The following PDE2A variants were observed in gnomAD, a reference collection of about 807,000 sequenced individuals.
PDE2A encodes the protein phosphodiesterase 2A.
Under a neutral mutation model 133.6 loss-of-function variants are expected in PDE2A, and 53 were observed. That is an observed-to-expected ratio of 0.40 (90% CI 0.32 to 0.50). PDE2A has a LOEUF of 0.50. Among genes scored for constraint, PDE2A ranks in the 20% least tolerant of loss-of-function variants. PDE2A has a pLI of 0.73. For synonymous variants in PDE2A, 491 were observed against 490.2 expected (o/e 1.00, Z -0.02); for missense variants, 796 against 1,232.4 (o/e 0.65, Z 5.30).
At chr11:72,647,756 C>G (rs761333009) in intron 1 of PDE2A, among the ~76,000 whole-genome samples, 38 of 152,204 alleles carry the variant, frequency 2.5e-4, no homozygotes, top group Non-Finnish European at 4.4e-4. Flanking sequence ...GGTGAGCCAC[C>G]CTTAGGCTGC....
intron 4 of PDE2A, chr11:72,599,026 C>T (rs1033561613): frequency 4.3e-5 from 42 of 985,266 alleles, no homozygotes; most frequent in African/African-American, 2.8e-4. Context: ...TGAGGCTTCA[C>T]GGAGGCAGGG....
chr11:72,585,114 G>GT lies in PDE2A; in HGVS notation c.1287-171dup, dbSNP rs5792596. 1.8e-3 allele frequency: 1,049 copies of GT among 593,562 alleles called. 2 individuals carry two copies. The highest frequency in any genetic ancestry group is 0.015 in the African/African-American group (750 of 51,422). The allele number at this position is 593,562 out of a possible 1,614,324, so 36.8% of individuals were successfully genotyped here. On this transcript the variant is annotated intron_variant, in intron 16 of 30. Transcript: ENST00000334456. The stretch of plus-strand genomic sequence containing the variant: ...AGAAACGTGTCCATTCAAGTGTTTT[G>GT]TTTTTTTTTTTTTTTGGAAGCACCT...
intron 2 of PDE2A, among the ~76,000 whole-genome samples, chr11:72,628,315 C>T (rs1023875857): frequency 2.0e-5 from 3 of 151,620 alleles, no homozygotes; most frequent in Non-Finnish European, 4.4e-5. Flanking sequence ...GTGATTACAT[C>T]CAAGAATGAT....
intron 2 of PDE2A, among the ~76,000 whole-genome samples, chr11:72,630,806 G>T (rs1165661986): frequency 6.6e-6 from 1 of 152,008 alleles, no homozygotes; most frequent in African/African-American, 2.4e-5. Flanking sequence ...GGGAATTGTT[G>T]GGTGAGGGTG....
intron 1 of PDE2A, among the ~76,000 whole-genome samples, chr11:72,663,348 C>T (rs763587896): frequency 1.2e-4 from 19 of 152,268 alleles, no homozygotes; most frequent in Non-Finnish European, 2.4e-4. Flanking sequence ...ATACAGAGCG[C>T]GGTGATCACG....
intron 1 of PDE2A, among the ~76,000 whole-genome samples, chr11:72,657,599 G>C (rs1324723204): frequency 6.6e-6 from 1 of 152,184 alleles, no homozygotes; most frequent in African/African-American, 2.4e-5. Context: ...AGTGCCATGT[G>C]GTTGTCATAG....
At chr11:72,639,524 C>T (rs1858861092) in intron 2 of PDE2A, among the ~76,000 whole-genome samples, 1 of 152,202 alleles carries the variant, frequency 6.6e-6, no homozygotes, top group African/African-American at 2.4e-5. Context: ...CCAAAGACAC[C>T]ACCCAGGCCT....
Position 72,577,426 on chromosome 11 carries a change from A to G in PDE2A, c.2784T>C (p.Thr928=). ...EEYEVPDLDG[T]RAPINGCCSL... Reference sequence around the variant, plus strand: ...TGCAGCAGCCATTGATGGGGGCCCTAGTGCCATCCAGATCAGGCACCTCGT... The same window carrying G: ...TGCAGCAGCCATTGATGGGGGCCCTGGTGCCATCCAGATCAGGCACCTCGT... The change falls in exon 31 of 31, where the codon ACT becomes ACC. Residue 928 remains threonine, a synonymous_variant. Transcript: ENST00000334456. 1 of 1,613,964 alleles carries G rather than the reference A, an allele frequency of 6.2e-7. No individual in the cohort carries two copies. Among genetic ancestry groups the G allele is most frequent in the Non-Finnish European group, 8.5e-7 (1 of 1,179,980 alleles).
At chr11:72,673,700 C>T (rs926168243) in intron 1 of PDE2A, among the ~76,000 whole-genome samples, 1 of 151,996 alleles carries the variant, frequency 6.6e-6, no homozygotes, top group African/African-American at 2.4e-5. Flanking sequence ...TTCCCCCTCC[C>T]CACCTCCTTC....
rs562510255 is a variant in PDE2A, at chr11:72,583,739, C to T, written c.1651-224G>A. On this transcript the variant is annotated intron_variant, in intron 19 of 30. Transcript: ENST00000334456. ...AAGTTCTCCCAGCATTTGGTCTGGCCCTTTGCACTCCCCCACACCTGATCC... is the reference window on the plus strand; with the variant it reads ...AAGTTCTCCCAGCATTTGGTCTGGCTCTTTGCACTCCCCCACACCTGATCC... Among the ~76,000 whole-genome samples, 5 of 152,196 alleles carry T rather than the reference C, an allele frequency of 3.3e-5. No homozygotes were observed. The South Asian group carries it at 1.0e-3, about 32-fold the overall frequency.
intron 2 of PDE2A, among the ~76,000 whole-genome samples, chr11:72,618,760 C>T (rs147169950): frequency 8.5e-5 from 13 of 152,314 alleles, no homozygotes; most frequent in African/African-American, 1.7e-4. Flanking sequence ...GATGGGCCTA[C>T]GAGCCCATGG....
At chr11:72,671,612 A>G (rs1303843697) in intron 1 of PDE2A, among the ~76,000 whole-genome samples, 2 of 151,990 alleles carry the variant, frequency 1.3e-5, no homozygotes, top group Non-Finnish European at 2.9e-5. Flanking sequence ...GGCAGGGGGA[A>G]TGACTGCGGG....
rs1855973055 is a variant in PDE2A at position 72,586,323 on chromosome 11, T to C, written c.1071-142A>G. The C allele has an allele frequency of 4.7e-6, 3 of 635,654 alleles. No homozygotes were observed. The Admixed American group carries it at 7.3e-5, about 15-fold the overall frequency. 39.4% of individuals were successfully genotyped at this position (635,654 alleles called of 1,614,324 possible). The stretch of plus-strand genomic sequence containing the variant: ...CACTGCACAGGCCCTTGGAACAGCT[T>C]CCCACCCCCATGACCCTGCAGACTG... On this transcript the variant is annotated intron_variant, in intron 13 of 30. Transcript: ENST00000334456.
At chr11:72,596,738 C>A in intron 5 of PDE2A, 90 bp from the exon 6 acceptor site, 1 of 760,162 alleles carries the variant, frequency 1.3e-6, no homozygotes, top group Non-Finnish European at 1.9e-6. Context: ...GACAAAGATG[C>A]AGACAAAGAG....
chr11:72,597,483 TGCCCC>T lies in PDE2A; in HGVS notation c.433+22_433+26del. Reference sequence around the variant, plus strand: ...CACAGTCCCTCCCTGCCCCTGCCCCTGCCCCTGCCCAGCCCCTAGCCCTTACCTTG... The same window carrying T: ...CACAGTCCCTCCCTGCCCCTGCCCCTTGCCCAGCCCCTAGCCCTTACCTTG... On this transcript the variant is annotated intron_variant, in intron 5 of 30. Transcript: ENST00000334456. This position sits in a 1 kb window ranked among gnomAD's most constrained non-coding sequence, Gnocchi z 4.6. 1 of 1,286,466 alleles carries T rather than the reference TGCCCC, an allele frequency of 7.8e-7. No homozygotes were observed. The highest frequency in any genetic ancestry group is 1.1e-6 in the Non-Finnish European group (1 of 897,654). 79.7% of individuals were successfully genotyped at this position (1,286,466 alleles called of 1,614,324 possible). A position where few individuals can be genotyped will look rare whatever the true frequency, so the allele number is the denominator to read the frequency against.
At chr11:72,604,929 TG>T (rs1430447627) in intron 4 of PDE2A, among the ~76,000 whole-genome samples, 22 of 152,384 alleles carry the variant, frequency 1.4e-4, no homozygotes, top group African/African-American at 5.3e-4. Context: ...GTATTTTCTC[TG>T]TGCCTATCCA....
intron 1 of PDE2A, among the ~76,000 whole-genome samples, chr11:72,663,051 G>A (rs1325536147): frequency 6.6e-6 from 1 of 152,180 alleles, no homozygotes; most frequent in African/African-American, 2.4e-5. Flanking sequence ...ACTCTCAGTT[G>A]TTCTTTAAGG....
intron 24 of PDE2A, 101 bp downstream of exon 24, chr11:72,580,785 C>T (rs1029171472): frequency 7.8e-5 from 76 of 973,036 alleles, no homozygotes; most frequent in Non-Finnish European, 1.2e-4. Flanking sequence ...CTAAACCTGG[C>T]TCCTGGTCTC....
intron 2 of PDE2A, among the ~76,000 whole-genome samples, chr11:72,622,356 T>C (rs1320755025): frequency 6.6e-6 from 1 of 152,230 alleles, no homozygotes; most frequent in Non-Finnish European, 1.5e-5. Flanking sequence ...CTTCTAGGTA[T>C]ACATCTGAAA....
Sources: allele counts gnomAD v4.1 joint callset (sites outside exome capture counted in the v4.1 genomes callset), GRCh38; gene constraint gnomAD v4.1.1; non-coding constraint Gnocchi (gnomAD v3.1); transcripts MANE v1.5; gene names NCBI Gene and HGNC (gene_info 2026-07-23, HGNC 2026-07-21).